NBPF12: variants seen among roughly 807,000 people sequenced by gnomAD.
The protein encoded by NBPF12 is NBPF member 12.
In NBPF12, 115 loss-of-function variants were observed where a neutral mutation model predicts 146.4. The observed-to-expected ratio is 0.79, with a 90% CI of 0.68 to 0.92. The LOEUF (loss-of-function observed/expected upper bound fraction) is 0.92. Ranked by LOEUF, NBPF12 falls within the 40% of genes least tolerant of loss-of-function variation. The pLI is 0.00. For missense variants in NBPF12, 1,205 were observed against 1,326.8 expected, an observed-to-expected ratio of 0.91 and a Z score of 1.43; for synonymous variants, 385 against 508.9, an observed-to-expected ratio of 0.76 and a Z score of 3.28.
chr1:146,976,847 A>G (rs1553887408), intron 16 of NBPF12, 82 bp from the exon 20 acceptor site: 4 of 553,034 alleles, frequency 7.2e-6, no homozygotes, highest in East Asian at 3.4e-5. Context: ...CTAGATGTTC[A>G]TGTCCCTGTT....
exon 1 of NBPF12, chr1:146,938,868 G>A (rs1198582197): frequency 6.6e-6 from 1 of 152,316 alleles, no homozygotes; most frequent in Admixed American, 6.5e-5. Context: ...TGGTGATTTT[G>A]GGAACGCGGG....
intron 1 of NBPF12, among the ~76,000 whole-genome samples, chr1:146,943,049 G>A (rs1393305903): frequency 5.0e-5 from 7 of 139,242 alleles, no homozygotes; most frequent in South Asian, 4.7e-4. Flanking sequence ...GCAAGTGTGC[G>A]CCACCATGCT....
At position 146,970,750 on chromosome 1, in the gene NBPF12, G is replaced by C. The variant is rs1265671487; in HGVS notation, c.1379+31G>C. On this transcript the variant is annotated intron_variant, in intron 12 of 33. Coordinates refer to ENST00000617844, the Ensembl canonical transcript of NBPF12. ...ACTGAATACTCAGGAGCAAGTAATG[G>C]GTGTTAACATATGAAAATGTCTAGG... The C allele has an allele frequency of 7.6e-5, 99 of 1,298,070 alleles. 1 individual carries two copies. The highest frequency in any genetic ancestry group is 1.1e-4 in the Non-Finnish European group (96 of 894,588). The allele number at this position is 1,298,070 out of a possible 1,614,324, so 80.4% of individuals were successfully genotyped here. A position where few individuals can be genotyped will look rare whatever the true frequency, so the allele number is the denominator to read the frequency against.
chr1:146,964,123 G>A (rs1656037145), intron 6 of NBPF12, among the ~76,000 whole-genome samples: 1 of 144,598 alleles, frequency 6.9e-6, no homozygotes, highest in Non-Finnish European at 1.5e-5. Flanking sequence ...GATATGGGAA[G>A]CAAAAGGTCT....
intron 7 of NBPF12, 107 bp from the exon 11 acceptor site, chr1:146,964,786 C>T (rs1656083736): frequency 6.3e-7 from 1 of 1,586,098 alleles, no homozygotes. Context: ...ATTTTGCTTT[C>T]TGGGACCACT....
intron 8 of NBPF12, among the ~76,000 whole-genome samples, chr1:146,965,674 C>T (rs1425666624): frequency 7.4e-5 from 11 of 149,372 alleles, no homozygotes; most frequent in Non-Finnish European, 1.3e-4. Flanking sequence ...CACCTGTAGT[C>T]CCAGCTACTC....
At position 146,994,686 on chromosome 1, in the gene NBPF12, A is replaced by T; in HGVS notation, c.*111A>T. The T allele has an allele frequency of 3.1e-5, 48 of 1,526,868 alleles. 1 individual carries two copies. The highest frequency in any genetic ancestry group is 2.4e-4 in the Middle Eastern group (1 of 4,114). 94.6% of individuals were successfully genotyped at this position (1,526,868 alleles called of 1,614,324 possible). A position where few individuals can be genotyped will look rare whatever the true frequency, so the allele number is the denominator to read the frequency against. On this transcript the variant is annotated 3_prime_UTR_variant, in exon 34 of 34. Coordinates refer to ENST00000617844, the Ensembl canonical transcript of NBPF12. ...TGGAAGCCCAGACATAGGATGGGTC[A>T]GTGGGCATGGCTCTATTCCTATTCT...
intron 25 of NBPF12, among the ~76,000 whole-genome samples, chr1:146,987,510 T>C (rs1293448378): frequency 7.9e-5 from 12 of 152,048 alleles, no homozygotes; most frequent in African/African-American, 2.9e-4. Context: ...CTTCAAAAAC[T>C]GTATTCTCAT....
chr1:146,967,353 T>C (rs2101863597), intron 9 of NBPF12, among the ~76,000 whole-genome samples: 1 of 150,426 alleles, frequency 6.6e-6, no homozygotes, highest in East Asian at 2.0e-4. Flanking sequence ...ATACAAAAAG[T>C]AGATGGGCGT....
intron 4 of NBPF12, among the ~76,000 whole-genome samples, chr1:146,961,071 A>T (rs1277964453): frequency 6.6e-6 from 1 of 152,134 alleles, no homozygotes; most frequent in Non-Finnish European, 1.5e-5. Flanking sequence ...CTTTGAACCC[A>T]GCAGGCAGGT....
upstream of NBPF12, among the ~76,000 whole-genome samples, chr1:146,945,666 G>A (rs1183111717): frequency 1.8e-3 from 280 of 151,470 alleles, 2 homozygotes; most frequent in African/African-American, 6.7e-3. Context: ...TAGGTTTACA[G>A]AAAAATGGAG....
intron 2 of NBPF12, among the ~76,000 whole-genome samples, chr1:146,952,738 C>T (rs1312147199): frequency 6.8e-6 from 1 of 148,114 alleles, no homozygotes; most frequent in Non-Finnish European, 1.5e-5. Flanking sequence ...ATCCCTGGCT[C>T]CCCTGTGTGC....
intron 18 of NBPF12, among the ~76,000 whole-genome samples, chr1:146,978,627 A>C (rs1414519815): frequency 6.6e-6 from 1 of 151,738 alleles, no homozygotes; most frequent in Non-Finnish European, 1.5e-5. Flanking sequence ...TTACCTGGTG[A>C]TATAAGTCCG....
chr1:146,975,521 A>C (rs1193373358), intron 15 of NBPF12, among the ~76,000 whole-genome samples, 156 bp from the exon 19 acceptor site: 2,803 of 145,710 alleles, frequency 0.019, 144 homozygotes, highest in African/African-American at 0.067. Context: ...ACCATTTTCT[A>C]TTCTTTCTCT....
intron 5 of NBPF12, among the ~76,000 whole-genome samples, chr1:146,962,477 A>G (rs1655916520): frequency 6.6e-6 from 1 of 151,886 alleles, no homozygotes; most frequent in Non-Finnish European, 1.5e-5. Context: ...CTCTTTTTCA[A>G]ACAAGTAATT....
intron 14 of NBPF12, among the ~76,000 whole-genome samples, chr1:146,973,335 T>C (rs1458192577): frequency 2.0e-5 from 3 of 151,794 alleles, no homozygotes; most frequent in Admixed American, 6.5e-5. Flanking sequence ...ACTAGTGAAC[T>C]TTTATTCAGT....
chr1:146,940,745 G>C (rs1654762164), intron 1 of NBPF12, among the ~76,000 whole-genome samples: 2 of 151,940 alleles, frequency 1.3e-5, no homozygotes, highest in African/African-American at 4.8e-5. Flanking sequence ...CAGGTAGCAG[G>C]GAATATTCCA....
At position 146,971,180 on chromosome 1, in the gene NBPF12, C is replaced by T; in HGVS notation, c.1380-3C>T. On this transcript the variant is annotated splice_polypyrimidine_tract_variant and splice_region_variant and intron_variant, in intron 12 of 33. Transcript: ENST00000617844. ...GTCATCTCTGTCCCACCTGGCTCAT[C>T]AGGGAGATGCAGAAGGCTGAAGAAA... The T allele has an allele frequency of 6.2e-7, 1 of 1,611,210 alleles. No individual in the cohort carries two copies. Among genetic ancestry groups the T allele is most frequent in the Non-Finnish European group, 8.5e-7 (1 of 1,179,714 alleles).
At chr1:146,987,727 G>GTGTGTT (rs1657873492) in intron 25 of NBPF12, among the ~76,000 whole-genome samples, 1 of 151,220 alleles carries the variant, frequency 6.6e-6, no homozygotes, top group African/African-American at 2.5e-5. Context: ...GTCTTTGTGT[G>GTGTGTT]TGTGTTTGTG....
Sources: allele counts gnomAD v4.1 joint callset (sites outside exome capture counted in the v4.1 genomes callset), GRCh38; gene constraint gnomAD v4.1.1; transcripts MANE v1.5; gene names NCBI Gene and HGNC (gene_info 2026-07-23, HGNC 2026-07-21).